Variants in EDEM1 observed in about 807,000 individuals in gnomAD.
EDEM1 encodes the protein ER degradation enhancing alpha-mannosidase like protein 1.
EDEM1 carries 67 observed loss-of-function variants against 74.4 expected under a neutral mutation model. The ratio of observed to expected loss-of-function variants is 0.90; its 90% CI spans 0.74 to 1.10. The LOEUF (loss-of-function observed/expected upper bound fraction) is 1.10, where lower values mean the gene tolerates loss of function less well. Ranked by LOEUF, EDEM1 falls within the 50% of genes least tolerant of loss-of-function variation. The pLI is 0.00. For missense variants in EDEM1, 926 were observed against 851.6 expected, an observed-to-expected ratio of 1.09 and a Z score of -1.09; for synonymous variants, 382 against 335.9, an observed-to-expected ratio of 1.14 and a Z score of -1.50.
rs748008061 is a variant in EDEM1 at position 5,203,155 on chromosome 3, G to A, written c.1042+6G>A. ...CAATGATACAGGATTACTAGGTGTG[G>A]CACCTTTCCTCGCCATTGGGACTGC... On this transcript the variant is annotated splice_donor_region_variant and intron_variant, in intron 5 of 11. Transcript: ENST00000256497. The A allele has an allele frequency of 3.9e-6, 6 of 1,554,732 alleles. No homozygotes were observed. The highest frequency in any genetic ancestry group is 2.0e-5 in the Admixed American group (1 of 50,728).
chr3:5,206,940 G>A (rs376097831), intron 6 of EDEM1, among the ~76,000 whole-genome samples: 15 of 152,340 alleles, frequency 9.8e-5, no homozygotes, highest in South Asian at 4.1e-4. Context: ...CAATGGCTGC[G>A]TTAGGAACTT....
chr3:5,199,735 T>A, intron 3 of EDEM1, 40 bp downstream of exon 3: 1 of 1,539,286 alleles, frequency 6.5e-7, no homozygotes, highest in Non-Finnish European at 8.9e-7. Flanking sequence ...TGGAGACTTC[T>A]TTTTATGTGT....
In EDEM1 at chr3:5,217,309, A is replaced by T. The variant is rs1233994410; in HGVS notation, c.*1391A>T. On this transcript the variant is annotated 3_prime_UTR_variant, in exon 12 of 12. Transcript: ENST00000256497. ...ACACAGTGCAGCAGGGTTGACTCTT[A>T]GTCTGGCTTCCATGAAGCGTCATGG... 1 of 152,670 alleles carries T rather than the reference A, an allele frequency of 6.6e-6. No individual in the cohort carries two copies. The highest frequency in any genetic ancestry group is 6.5e-5 in the Admixed American group (1 of 15,272). 9.5% of individuals were successfully genotyped at this position (152,670 alleles called of 1,614,324 possible).
At chr3:5,215,771 C>G (rs2055226932) in intron 11 of EDEM1, 58 bp from the exon 12 acceptor site, 2 of 1,478,156 alleles carry the variant, frequency 1.4e-6, no homozygotes, top group African/African-American at 1.4e-5. Context: ...CATCCAGTCA[C>G]ATTTCCTGAG....
rs745541490 is a variant in EDEM1 at position 5,208,282 on chromosome 3, T to G, written c.1509+19T>G. The G allele has an allele frequency of 1.2e-6, 2 of 1,600,754 alleles. No homozygotes were observed. The highest frequency in any genetic ancestry group is 1.7e-6 in the Non-Finnish European group (2 of 1,176,608). Reference sequence around the variant, plus strand: ...CTACCAGGTACTAGAGTTGTGTTTTTTTTTTTTTCCTTTCACTGCCTCCCC... The same window carrying G: ...CTACCAGGTACTAGAGTTGTGTTTTGTTTTTTTTCCTTTCACTGCCTCCCC... On this transcript the variant is annotated intron_variant, in intron 8 of 11. Coordinates refer to ENST00000256497, the MANE Select transcript of EDEM1 (RefSeq NM_014674.3).
At chr3:5,210,331 A>G (rs2055153015) in intron 9 of EDEM1, 83 bp downstream of exon 9, 3 of 1,301,642 alleles carry the variant, frequency 2.3e-6, no homozygotes, top group African/African-American at 3.0e-5. Context: ...CCTAGTTTGC[A>G]TTTTAATTTA....
At chr3:5,195,309 T>G (rs763367953) in intron 2 of EDEM1, 28 bp downstream of exon 2, 1 of 1,432,368 alleles carries the variant, frequency 7.0e-7, no homozygotes, top group East Asian at 2.4e-5. Flanking sequence ...TTTAAAAAAA[T>G]GAATTAAGAT....
Position 5,208,156 on chromosome 3 carries a change from CGA to C in EDEM1, c.1403_1404del (p.Arg468LeufsTer6). 2 of 1,612,752 alleles carry C rather than the reference CGA, an allele frequency of 1.2e-6. No homozygotes were observed. The highest frequency in any genetic ancestry group is 1.7e-6 in the Non-Finnish European group (2 of 1,179,682). ...TGCCTTCTACTATGCCATATGGAAA[CGA>C]TATGGTGCCCTCCCTGAGAGATATA... ...LHAFYYAIWKRYGALPERYNW... is the reference protein window; with the variant it reads ...LHAFYYAIWKXYGALPERYNW... On this transcript the variant is annotated frameshift_variant, in exon 8 of 12. Coordinates refer to ENST00000256497, the MANE Select transcript of EDEM1 (RefSeq NM_014674.3). LOFTEE classifies it high-confidence loss of function.
At chr3:5,195,320 GT>G in intron 2 of EDEM1, 39 bp downstream of exon 2, 1 of 1,356,132 alleles carries the variant, frequency 7.4e-7, no homozygotes. Flanking sequence ...GAATTAAGAT[GT>G]TTTAGAGTTG....
chr3:5,213,024 A>G (rs1251626989), intron 10 of EDEM1, among the ~76,000 whole-genome samples: 1 of 152,206 alleles, frequency 6.6e-6, no homozygotes, highest in Non-Finnish European at 1.5e-5. Context: ...GTGAACTTTT[A>G]TAGACTACCT....
At chr3:5,201,615 T>G (rs753032858) in intron 3 of EDEM1, 138 bp from the exon 4 acceptor site, 45 of 868,090 alleles carry the variant, frequency 5.2e-5, no homozygotes, top group Non-Finnish European at 7.7e-5. Context: ...AATTCAAGAG[T>G]CCATTAAGTC....
chr3:5,213,793 C>T (rs1208195780), intron 11 of EDEM1, among the ~76,000 whole-genome samples: 1 of 152,128 alleles, frequency 6.6e-6, no homozygotes, highest in African/African-American at 2.4e-5. Flanking sequence ...GAGGAGCGAG[C>T]ACTCAGCAGG....
Position 5,208,275 on chromosome 3 carries a change from G to GT in EDEM1, c.1509+13dup. On this transcript the variant is annotated intron_variant, in intron 8 of 11. Coordinates refer to ENST00000256497, the MANE Select transcript of EDEM1 (RefSeq NM_014674.3). ...ATCTCCTCTACCAGGTACTAGAGTT[G>GT]TGTTTTTTTTTTTTTCCTTTCACTG... 6.3e-7 allele frequency: 1 copy of GT among 1,586,718 alleles called. No individual in the cohort carries two copies. Among genetic ancestry groups the GT allele is most frequent in the Non-Finnish European group, 8.5e-7 (1 of 1,171,692 alleles).
intron 1 of EDEM1, among the ~76,000 whole-genome samples, chr3:5,189,785 A>G (rs1206902666): frequency 6.6e-6 from 1 of 152,190 alleles, no homozygotes; most frequent in Non-Finnish European, 1.5e-5. Context: ...TATTTTTAGT[A>G]GAGACGGGGT....
intron 2 of EDEM1, among the ~76,000 whole-genome samples, chr3:5,197,890 G>A (rs193000085): frequency 1.2e-3 from 187 of 152,266 alleles, no homozygotes; most frequent in African/African-American, 4.3e-3. Flanking sequence ...GGCACAGCTT[G>A]GTTTTATACA....
intron 7 of EDEM1, among the ~76,000 whole-genome samples, 191 bp from the exon 8 acceptor site, chr3:5,207,902 G>C (rs1299229270): frequency 2.0e-5 from 3 of 152,144 alleles, no homozygotes; most frequent in Admixed American, 6.5e-5. Flanking sequence ...ACATCAATTT[G>C]GCATTAGTGG....
rs765507493 is a variant in EDEM1, at chr3:5,208,222, C to T, written c.1468C>T (p.Leu490=). Residue 490 remains leucine (L), a synonymous_variant, in exon 8 of 12, where the codon CTG becomes TTG. Transcript: ENST00000256497. ...GGCCCCTGACGTTCTCTTCTACCCA[C>T]TGAGACCAGAGTTAGTGGAATCCAC... ...LQAPDVLFYP[L]RPELVESTYL... is the part of the protein sequence containing the mutation. The T allele has an allele frequency of 3.1e-6, 5 of 1,613,572 alleles. 1 individual carries two copies. The South Asian group carries it at 3.3e-5, about 11-fold the overall frequency.
intron 10 of EDEM1, chr3:5,211,472 T>C (rs188072118): frequency 3.5e-4 from 146 of 421,298 alleles, no homozygotes; most frequent in Middle Eastern, 2.5e-3. Flanking sequence ...CTGGTAACGA[T>C]TGATACAGAA....
chr3:5,215,497 G>T (rs2055223387), intron 11 of EDEM1, among the ~76,000 whole-genome samples: 1 of 152,198 alleles, frequency 6.6e-6, no homozygotes, highest in African/African-American at 2.4e-5. Context: ...TAGCTTCCCT[G>T]GATCTGCCAT....
Sources: gnomAD v4.1 joint callset for allele counts (sites outside exome capture counted in the v4.1 genomes callset) on GRCh38, gnomAD v4.1.1 for gene constraint, MANE v1.5 for transcripts, NCBI Gene and HGNC (gene_info 2026-07-23, HGNC 2026-07-21) for gene names.